The following TPCN2 variants were observed in gnomAD, a reference collection of about 807,000 sequenced individuals.
TPCN2 encodes the protein two pore channel protein 2.
TPCN2 carries 92 observed loss-of-function variants against 111.4 expected under a neutral mutation model. The observed-to-expected ratio is 0.83, with a 90% CI of 0.70 to 0.98. The LOEUF (loss-of-function observed/expected upper bound fraction) is 0.98, where lower values mean the gene tolerates loss of function less well. Ranked by LOEUF, TPCN2 falls within the 50% of genes least tolerant of loss-of-function variation. The probability of loss-of-function intolerance (pLI) is 0.00; values close to 1 mark genes in which losing one functional copy is unlikely to be tolerated. For missense variants in TPCN2, 995 were observed against 980.1 expected, an observed-to-expected ratio of 1.02 and a Z score of -0.20; for synonymous variants, 405 against 414.5, an observed-to-expected ratio of 0.98 and a Z score of 0.28.
At position 69,067,454 on chromosome 11, in the gene TPCN2, G is replaced by A. The variant is rs1394794126; in HGVS notation, c.727-49G>A. The A allele has an allele frequency of 2.6e-6, 4 of 1,551,686 alleles. No homozygotes were observed. The East Asian group carries it at 6.7e-5, about 26-fold the overall frequency. On this transcript the variant is annotated intron_variant, in intron 7 of 24. Coordinates refer to ENST00000294309, the MANE Select transcript of TPCN2 (RefSeq NM_139075.4). ...GGGTCCGGGGCCTGGAGCTCAGCCTGTGGGGTGGGGACCCAGTGGTGCCCT... is the reference window on the plus strand; with the variant it reads ...GGGTCCGGGGCCTGGAGCTCAGCCTATGGGGTGGGGACCCAGTGGTGCCCT...
intron 19 of TPCN2, chr11:69,084,838 C>T: frequency 2.0e-6 from 2 of 978,132 alleles, no homozygotes; most frequent in South Asian, 9.5e-5. Flanking sequence ...GAAACTGAGG[C>T]CCAGAAAGGG....
At chr11:69,062,704 A>G (rs1047633591) in intron 5 of TPCN2, among the ~76,000 whole-genome samples, 180 bp from the exon 6 acceptor site, 3 of 152,016 alleles carry the variant, frequency 2.0e-5, no homozygotes, top group African/African-American at 4.8e-5. Flanking sequence ...ACTGCAGAGC[A>G]TGTGGCCTGG....
chr11:69,071,988 C>T lies in TPCN2; in HGVS notation c.1026C>T (p.Ser342=), dbSNP rs374885482. The T allele has an allele frequency of 8.7e-6, 14 of 1,613,892 alleles. No individual in the cohort carries two copies. In the African/African-American group the frequency reaches 1.3e-4, roughly 15 times the overall value. Residue 342 remains serine, a synonymous_variant, in exon 11 of 25, where the codon TCC becomes TCT. Transcript: ENST00000294309. ...CCCGGGCTGCCTTTGAAGTCCTATC[C>T]TCCATGGTGGGGGAGGGAGGAGCCT... ...LGTRAAFEVL[S]SMVGEGGAFP... is the part of the protein sequence containing the mutation.
At chr11:69,072,763 G>T (rs1855591753) in intron 12 of TPCN2, 55 bp downstream of exon 12, 1 of 1,602,164 alleles carries the variant, frequency 6.2e-7, no homozygotes, top group African/African-American at 1.3e-5. Flanking sequence ...GGTCACTTGG[G>T]CCAGCAGCCC....
At position 69,078,909 on chromosome 11, in the gene TPCN2, C is replaced by T; in HGVS notation, c.1428C>T (p.Phe476=). Residue 476 remains phenylalanine, a synonymous_variant, in exon 16 of 25, where the codon TTC becomes TTT. Coordinates refer to ENST00000294309, the MANE Select transcript of TPCN2 (RefSeq NM_139075.4). ...DFILGILNCV[F]IVYYLLEMLL... Reference sequence around the variant, plus strand: ...CCTTTCAGATTCTCAACTGCGTCTTCATTGTGTACTACCTGTTGGAGATGC... The same window carrying T: ...CCTTTCAGATTCTCAACTGCGTCTTTATTGTGTACTACCTGTTGGAGATGC... 1 of 1,614,124 alleles carries T rather than the reference C, an allele frequency of 6.2e-7. No individual in the cohort carries two copies. The highest frequency in any genetic ancestry group is 8.5e-7 in the Non-Finnish European group (1 of 1,179,994).
At chr11:69,049,296 C>A (rs936500828) in intron 1 of TPCN2, among the ~76,000 whole-genome samples, 190 bp downstream of exon 1, 27 of 152,288 alleles carry the variant, frequency 1.8e-4, no homozygotes, top group African/African-American at 6.0e-4. Flanking sequence ...TCCTGCGGAC[C>A]CGGACCGGGG....
At chr11:69,080,397 G>A (rs1314520719) in intron 17 of TPCN2, among the ~76,000 whole-genome samples, 1 of 152,260 alleles carries the variant, frequency 6.6e-6, no homozygotes, top group Non-Finnish European at 1.5e-5. Flanking sequence ...CTGAGGCTGT[G>A]TGCTGATTCA....
At position 69,063,323 on chromosome 11, in the gene TPCN2, C is replaced by T. The variant is rs190933117; in HGVS notation, c.653+333C>T. Among the ~76,000 whole-genome samples the T allele has an allele frequency of 8.3e-3, 1,260 of 152,108 alleles. 17 individuals are homozygous for T. The highest frequency in any genetic ancestry group is 0.028 in the African/African-American group (1,161 of 41,526). ...GCTGTGCCCTGCCTCTCCCCTCTGC[C>T]GTCCCCTCCCACTCATGGTGTCGGC... On this transcript the variant is annotated intron_variant, in intron 6 of 24. Transcript: ENST00000294309.
chr11:69,076,677 C>T (rs71464361), intron 13 of TPCN2, among the ~76,000 whole-genome samples: 3 of 84,050 alleles, frequency 3.6e-5, no homozygotes, highest in Admixed American at 1.2e-4. Flanking sequence ...GCCCTCCTGC[C>T]GTGTCCCTCC....
At chr11:69,083,840 C>T (rs1297128659) in intron 18 of TPCN2, 105 bp from the exon 19 acceptor site, 1 of 1,029,864 alleles carries the variant, frequency 9.7e-7, no homozygotes, top group African/African-American at 1.5e-5. Flanking sequence ...TGGTCATTGG[C>T]CTGCCCCATC....
chr11:69,065,312 G>A (rs1345743030), intron 7 of TPCN2, among the ~76,000 whole-genome samples: 6 of 152,226 alleles, frequency 3.9e-5, no homozygotes, highest in Non-Finnish European at 8.8e-5. Flanking sequence ...TGGCGTCAGT[G>A]TGGGTGCTGG....
rs533242147 is a variant in TPCN2 at position 69,062,899 on chromosome 11, C to T, written c.562C>T (p.Arg188Trp). 20 of 1,613,838 alleles carry T rather than the reference C, an allele frequency of 1.2e-5. No individual in the cohort carries two copies. The highest frequency in any genetic ancestry group is 9.3e-5 in the African/African-American group (7 of 74,930). ...LVCHEPLRIR[R>W]LLRPFFLLQN... ...TCTCTTCCAGCCCCTGCGGATCCGC[C>T]GGCTTCTCCGTCCCTTCTTCCTGCT... The change falls in exon 6 of 25, where the codon CGG becomes TGG. Residue 188 changes from arginine (R) to tryptophan (W), a missense_variant. Arg to Trp is a moderately radical substitution (Grantham distance 101). Transcript: ENST00000294309.
chr11:69,071,492 G>A (rs1401849386), intron 10 of TPCN2, 72 bp downstream of exon 10: 4 of 1,375,330 alleles, frequency 2.9e-6, no homozygotes, highest in African/African-American at 1.4e-5. Context: ...CTTGAGATGA[G>A]CAGCTGGGTG....
chr11:69,082,924 C>T (rs1309917806), intron 18 of TPCN2, among the ~76,000 whole-genome samples: 1 of 150,410 alleles, frequency 6.6e-6, no homozygotes, highest in East Asian at 2.0e-4. Context: ...TGAACTCGTG[C>T]CCGTGTAAGA....
intron 19 of TPCN2, chr11:69,084,714 G>A (rs141866028): frequency 1.7e-5 from 17 of 985,430 alleles, no homozygotes; most frequent in African/African-American, 5.2e-5. Context: ...CTCTGGGGCC[G>A]CAGGGTGCTC....
In TPCN2 at chr11:69,055,359, C is replaced by G. The variant is rs764799947; in HGVS notation, c.429+7C>G. ...GGCCGACCTCTCTGTGAAGGTGAGG[C>G]GGGCGCCAGGCCCTCTACGTGCTGC... On this transcript the variant is annotated splice_region_variant and intron_variant, in intron 4 of 24. Transcript: ENST00000294309. The G allele has an allele frequency of 6.2e-7, 1 of 1,600,248 alleles. No individual in the cohort carries two copies. The highest frequency in any genetic ancestry group is 1.3e-5 in the African/African-American group (1 of 74,612).
chr11:69,086,040 G>C (rs1340409479), intron 22 of TPCN2, 110 bp downstream of exon 22: 2 of 1,065,952 alleles, frequency 1.9e-6, no homozygotes, highest in Non-Finnish European at 2.8e-6. Flanking sequence ...CTGGGACGGG[G>C]ACTCGGGCCT....
intron 24 of TPCN2, 86 bp downstream of exon 24, chr11:69,087,292 A>G: frequency 1.7e-6 from 2 of 1,192,988 alleles, no homozygotes; most frequent in South Asian, 2.6e-5. Context: ...GGCGGCGGGC[A>G]GGCCCTGATG....
Position 69,054,011 on chromosome 11 carries a change from G to C in TPCN2, c.110-22G>C, listed in dbSNP as rs775943330. 1.9e-6 allele frequency: 3 copies of C among 1,609,686 alleles called. No homozygotes were observed. The South Asian group carries it at 3.3e-5, about 18-fold the overall frequency. On this transcript the variant is annotated intron_variant, in intron 1 of 24. Coordinates refer to ENST00000294309, the MANE Select transcript of TPCN2 (RefSeq NM_139075.4). ...GCCATGTCATCCTGCTCGGTCACCTGATGTGTCCCCTCTGCCTGCAGGTGC... is the reference window on the plus strand; with the variant it reads ...GCCATGTCATCCTGCTCGGTCACCTCATGTGTCCCCTCTGCCTGCAGGTGC...
Sources: gnomAD v4.1 joint callset for allele counts (sites outside exome capture counted in the v4.1 genomes callset) on GRCh38, gnomAD v4.1.1 for gene constraint, MANE v1.5 for transcripts, NCBI Gene and HGNC (gene_info 2026-07-23, HGNC 2026-07-21) for gene names.